NXPH2: variants seen among roughly 807,000 people sequenced by gnomAD.
The protein encoded by NXPH2 is neurexophilin-2.
Under a neutral mutation model 19.8 loss-of-function variants are expected in NXPH2, and 5 were observed. The ratio of observed to expected loss-of-function variants is 0.25; its 90% CI spans 0.13 to 0.53. The LOEUF is 0.53. Among genes scored for constraint, NXPH2 ranks in the 20% least tolerant of loss-of-function variants. NXPH2 has a pLI of 0.96. For missense variants in NXPH2, 289 were observed against 322.8 expected (o/e 0.90, Z 0.80); for synonymous variants, 154 against 127.4 (o/e 1.21, Z -1.41).
At chr2:138,751,770 T>G (rs1459404219) in intron 1 of NXPH2, among the ~76,000 whole-genome samples, 1 of 152,182 alleles carries the variant, frequency 6.6e-6, no homozygotes, top group East Asian at 1.9e-4. Context: ...CTCATAATTC[T>G]GTTTAGATTT....
intron 1 of NXPH2, among the ~76,000 whole-genome samples, chr2:138,676,655 C>T (rs774734259): frequency 1.2e-4 from 19 of 152,252 alleles, no homozygotes; most frequent in Middle Eastern, 3.4e-3. Context: ...AAAGAATGGA[C>T]GGAAATTACT....
At chr2:138,780,092 C>T in intron 1 of NXPH2, 99 bp downstream of exon 1, 2 of 1,264,806 alleles carry the variant, frequency 1.6e-6, no homozygotes, top group Non-Finnish European at 2.1e-6. Flanking sequence ...CCCCACTTCC[C>T]AAGCAGGCCC....
At chr2:138,704,881 A>G (rs1680984752) in intron 1 of NXPH2, among the ~76,000 whole-genome samples, 1 of 150,710 alleles carries the variant, frequency 6.6e-6, no homozygotes, top group African/African-American at 2.4e-5. Flanking sequence ...CTGGAGTGCA[A>G]TGGCACAATC....
Position 138,670,975 on chromosome 2 carries a change from C to T in NXPH2, c.742G>A (p.Val248Met). ...CTATGGTAATTGTAGTCAGGGCACA[C>T]CTTTTGCACGAGTTTATAATCAACA... ...YSVDYKLVQK[V>M]CPDYNYHSET... The change falls in exon 2 of 2, where the codon GTG becomes ATG. Residue 248 changes from valine to methionine, a missense_variant. Transcript: ENST00000272641. The T allele has an allele frequency of 6.2e-7, 1 of 1,613,868 alleles. No homozygotes were observed. The highest frequency in any genetic ancestry group is 8.5e-7 in the Non-Finnish European group (1 of 1,179,872).
At chr2:138,768,240 G>A (rs1682123142) in intron 1 of NXPH2, among the ~76,000 whole-genome samples, 1 of 152,106 alleles carries the variant, frequency 6.6e-6, no homozygotes, top group Non-Finnish European at 1.5e-5. Flanking sequence ...TTTCTCTTAA[G>A]TGTCTGGTGA....
intron 1 of NXPH2, among the ~76,000 whole-genome samples, chr2:138,718,478 A>G (rs930785713): frequency 6.6e-6 from 1 of 152,156 alleles, no homozygotes; most frequent in African/African-American, 2.4e-5. Context: ...TTTATGTAAT[A>G]TTTTCAATCA....
At chr2:138,697,259 T>C (rs573800598) in intron 1 of NXPH2, among the ~76,000 whole-genome samples, 10 of 152,274 alleles carry the variant, frequency 6.6e-5, no homozygotes, top group Admixed American at 5.9e-4. Context: ...TGGTTATACA[T>C]GTGTATACCT....
At chr2:138,728,072 T>C (rs565298014) in intron 1 of NXPH2, among the ~76,000 whole-genome samples, 5 of 152,302 alleles carry the variant, frequency 3.3e-5, no homozygotes, top group African/African-American at 1.2e-4. Flanking sequence ...TTGCCTTCAA[T>C]GTGACTGTGT....
intron 1 of NXPH2, among the ~76,000 whole-genome samples, chr2:138,757,842 T>TATCTATCC (rs1681939671): frequency 7.3e-6 from 1 of 136,128 alleles, no homozygotes; most frequent in African/African-American, 2.5e-5. Flanking sequence ...TCTATCTATC[T>TATCTATCC]ATCTATCTAT....
Position 138,745,499 on chromosome 2 carries a change from G to T in NXPH2, c.51+34692C>A, listed in dbSNP as rs1013949754. On this transcript the variant is annotated intron_variant, in intron 1 of 1. Coordinates refer to ENST00000272641, the MANE Select transcript of NXPH2 (RefSeq NM_007226.3). ...CCTTTTCTTCTTTTTTTGGCGGGGG[G>T]GGGGGGGTGTTGTTTGCATGTTTTT... Among the ~76,000 whole-genome samples, 51 of 149,056 alleles carry T rather than the reference G, an allele frequency of 3.4e-4. 2 individuals are homozygous for T. The highest frequency in any genetic ancestry group is 1.2e-3 in the Admixed American group (18 of 15,022).
At chr2:138,715,002 A>G (rs1002999200) in intron 1 of NXPH2, among the ~76,000 whole-genome samples, 1 of 152,230 alleles carries the variant, frequency 6.6e-6, no homozygotes, top group Non-Finnish European at 1.5e-5. Context: ...GTGGAAAAGT[A>G]AAACTTAGAA....
At chr2:138,684,440 CTGA>C (rs1680619265) in intron 1 of NXPH2, among the ~76,000 whole-genome samples, 1 of 151,462 alleles carries the variant, frequency 6.6e-6, no homozygotes, top group Non-Finnish European at 1.5e-5. Context: ...AAATTAAAGT[CTGA>C]TAACTGTTAA....
chr2:138,768,205 C>T (rs1377531823), intron 1 of NXPH2, among the ~76,000 whole-genome samples: 3 of 152,120 alleles, frequency 2.0e-5, no homozygotes, highest in Non-Finnish European at 4.4e-5. Context: ...GTTCTGTTTT[C>T]TCTTTGTCCT....
At chr2:138,763,994 C>T (rs1373522331) in intron 1 of NXPH2, among the ~76,000 whole-genome samples, 1 of 152,066 alleles carries the variant, frequency 6.6e-6, no homozygotes, top group Non-Finnish European at 1.5e-5. Flanking sequence ...GACTGACATC[C>T]ACATTCTTTG....
At chr2:138,715,936 G>T (rs1681190072) in intron 1 of NXPH2, among the ~76,000 whole-genome samples, 1 of 152,160 alleles carries the variant, frequency 6.6e-6, no homozygotes, top group Admixed American at 6.5e-5. Context: ...TGGGGTGAGG[G>T]CTAGGGAAAT....
At chr2:138,697,078 AAG>A (rs1399537775) in intron 1 of NXPH2, among the ~76,000 whole-genome samples, 1 of 152,148 alleles carries the variant, frequency 6.6e-6, no homozygotes, top group South Asian at 2.1e-4. Flanking sequence ...CTCAGAAAAT[AAG>A]AGTATATGTG....
chr2:138,765,417 C>T (rs909425797), intron 1 of NXPH2, among the ~76,000 whole-genome samples: 1 of 152,168 alleles, frequency 6.6e-6, no homozygotes, highest in Non-Finnish European at 1.5e-5. Context: ...ATTCTGTTTA[C>T]GTTTCTATTA....
Position 138,760,324 on chromosome 2 carries a change from C to A in NXPH2, c.51+19867G>T, listed in dbSNP as rs1681990993. 2.0e-5 allele frequency among the ~76,000 whole-genome samples: 3 copies of A among 152,170 alleles called. No homozygotes were observed. The South Asian group carries it at 6.2e-4, about 31-fold the overall frequency. ...GTTGTATACCGAGTCTGTCCCCATG[C>A]TCAACATCTGCTTAACTTTTGAGAT... On this transcript the variant is annotated intron_variant, in intron 1 of 1. Coordinates refer to ENST00000272641, the MANE Select transcript of NXPH2 (RefSeq NM_007226.3).
At chr2:138,686,172 G>T (rs1012641222) in intron 1 of NXPH2, among the ~76,000 whole-genome samples, 4 of 152,142 alleles carry the variant, frequency 2.6e-5, no homozygotes, top group Non-Finnish European at 4.4e-5. Context: ...AATGAGGGGC[G>T]TCTTTCCTGG....
Sources: allele counts gnomAD v4.1 joint callset (sites outside exome capture counted in the v4.1 genomes callset), GRCh38; gene constraint gnomAD v4.1.1; transcripts MANE v1.5; gene names NCBI Gene and HGNC (gene_info 2026-07-23, HGNC 2026-07-21).